DSCAM: variants seen among roughly 807,000 people sequenced by gnomAD.
DSCAM encodes the protein DS cell adhesion molecule.
Under a neutral mutation model 217.7 loss-of-function variants are expected in DSCAM, and 47 were observed. The observed-to-expected ratio is 0.22, with a 90% CI of 0.17 to 0.28. The LOEUF is 0.28. Among genes scored for constraint, DSCAM ranks in the 10% least tolerant of loss-of-function variants. DSCAM has a pLI of 1.00. For missense variants in DSCAM, 2,080 were observed against 2,618.3 expected (o/e 0.79, Z 4.49); for synonymous variants, 1,056 against 1,015.3 (o/e 1.04, Z -0.76).
At position 40,514,957 on chromosome 21, in the gene DSCAM, G is replaced by T. The variant is rs80294668; in HGVS notation, c.509-145712C>A. Among the ~76,000 whole-genome samples the T allele has an allele frequency of 6.2e-3, 950 of 152,286 alleles. 22 individuals are homozygous for T. The highest frequency in any genetic ancestry group is 0.034 in the Admixed American group (522 of 15,290). ...GAAAAGGAAAAGCTAAACTAATGCA[G>T]CCTATAGCTTGTGACGAAAGGACAT... On this transcript the variant is annotated intron_variant, in intron 3 of 32. Coordinates refer to ENST00000400454, the MANE Select transcript of DSCAM (RefSeq NM_001389.5).
At chr21:40,839,478 T>G (rs1351956844) in intron 1 of DSCAM, among the ~76,000 whole-genome samples, 1 of 152,210 alleles carries the variant, frequency 6.6e-6, no homozygotes, top group Non-Finnish European at 1.5e-5. Flanking sequence ...TCCAGTCTTT[T>G]GTTCAGACCT....
chr21:40,042,775 G>T, intron 31 of DSCAM, 102 bp from the exon 32 acceptor site: 1 of 1,126,388 alleles, frequency 8.9e-7, no homozygotes, highest in East Asian at 2.5e-5. Context: ...TCCAGATCAT[G>T]GTGGGACCTG....
At chr21:40,248,331 T>C (rs1212767378) in intron 11 of DSCAM, among the ~76,000 whole-genome samples, 1 of 152,238 alleles carries the variant, frequency 6.6e-6, no homozygotes, top group African/African-American at 2.4e-5. Context: ...TCCAAACTTT[T>C]ATGCTCTGCT....
intron 32 of DSCAM, among the ~76,000 whole-genome samples, chr21:40,028,976 CTGAATTT>C (rs1349588687): frequency 6.6e-6 from 1 of 152,146 alleles, no homozygotes; most frequent in Non-Finnish European, 1.5e-5. Flanking sequence ...TTAATGCTAC[CTGAATTT>C]TGAATTTGCC....
intron 16 of DSCAM, among the ~76,000 whole-genome samples, chr21:40,164,686 C>T (rs2090575056): frequency 6.6e-6 from 1 of 152,064 alleles, no homozygotes; most frequent in Admixed American, 6.5e-5. Context: ...CCTGTAATCC[C>T]AGCTACTTGG....
rs184496532 is a variant in DSCAM at position 40,651,155 on chromosome 21, C to T, written c.508+41655G>A. ...AGATTTGCAGCTCAGGTCATTGCCTCATGAGCTCCAAGCACACAGACCAAC... is the reference window on the plus strand; with the variant it reads ...AGATTTGCAGCTCAGGTCATTGCCTTATGAGCTCCAAGCACACAGACCAAC... On this transcript the variant is annotated intron_variant, in intron 3 of 32. Coordinates refer to ENST00000400454, the MANE Select transcript of DSCAM (RefSeq NM_001389.5). Among the ~76,000 whole-genome samples the T allele has an allele frequency of 8.4e-3, 1,284 of 152,272 alleles. 14 individuals are homozygous for T. Among genetic ancestry groups the T allele is most frequent in the African/African-American group, 0.029 (1,195 of 41,552 alleles).
At chr21:40,568,644 A>AAT (rs1337030759) in intron 3 of DSCAM, among the ~76,000 whole-genome samples, 1 of 152,248 alleles carries the variant, frequency 6.6e-6, no homozygotes, top group Non-Finnish European at 1.5e-5. Flanking sequence ...TTATAGAATT[A>AAT]ATATAGTCAC....
intron 5 of DSCAM, among the ~76,000 whole-genome samples, chr21:40,350,345 A>G (rs1404515399): frequency 6.6e-6 from 1 of 152,248 alleles, no homozygotes; most frequent in Admixed American, 6.5e-5. Context: ...ATCAGAATGA[A>G]CAGGCAACCT....
At chr21:40,597,446 G>A (rs370090358) in intron 3 of DSCAM, among the ~76,000 whole-genome samples, 33 of 128,766 alleles carry the variant, frequency 2.6e-4, no homozygotes, top group African/African-American at 9.6e-4. Flanking sequence ...CTAAATCAAA[G>A]TTTGCAAGCC....
intron 3 of DSCAM, among the ~76,000 whole-genome samples, chr21:40,452,439 G>C (rs1413716474): frequency 6.6e-6 from 1 of 151,986 alleles, no homozygotes; most frequent in Non-Finnish European, 1.5e-5. Flanking sequence ...GTGAAGTTAA[G>C]AAGTTAAAGA....
chr21:40,339,288 C>T lies in DSCAM; in HGVS notation c.1338G>A (p.Pro446=), dbSNP rs868420288. ...PTITWTLDDD[P]ILKGGSHRIS... ...TGCGGTGACTGCCACCCTTGAGAAT[C>T]GGGTCATCGTCCAGGGTCCACGTGA... is the stretch of plus-strand genomic sequence containing the variant. The change falls in exon 7 of 33, where the codon CCG becomes CCA. Residue 446 remains proline, a synonymous_variant. Coordinates refer to ENST00000400454, the MANE Select transcript of DSCAM (RefSeq NM_001389.5). 8.1e-6 allele frequency: 13 copies of T among 1,614,046 alleles called. No homozygotes were observed. Among genetic ancestry groups the T allele is most frequent in the African/African-American group, 1.3e-5 (1 of 74,908 alleles).
chr21:40,711,264 G>A (rs900664754), intron 1 of DSCAM, among the ~76,000 whole-genome samples: 2 of 152,110 alleles, frequency 1.3e-5, no homozygotes, highest in Non-Finnish European at 2.9e-5. Context: ...GGGGTTACAG[G>A]CTCCTGCTAT....
chr21:40,401,398 T>TC (rs1491388033), intron 3 of DSCAM, among the ~76,000 whole-genome samples: 1 of 20,710 alleles, frequency 4.8e-5, no homozygotes, highest in Admixed American at 4.9e-4. Flanking sequence ...TAAAATTGGA[T>TC]TTTTTTTTCT....
At chr21:40,094,947 T>C (rs2089657462) in intron 20 of DSCAM, among the ~76,000 whole-genome samples, 1 of 152,244 alleles carries the variant, frequency 6.6e-6, no homozygotes, top group Non-Finnish European at 1.5e-5. Flanking sequence ...ACCTGATGAC[T>C]GGATAAACAT....
At chr21:40,339,944 T>A (rs534898985) in intron 6 of DSCAM, among the ~76,000 whole-genome samples, 62 of 152,338 alleles carry the variant, frequency 4.1e-4, no homozygotes, top group African/African-American at 1.4e-3. Context: ...GAGAGATTGA[T>A]GACCTCATCT....
At chr21:40,367,233 C>A (rs1036965425) in intron 4 of DSCAM, among the ~76,000 whole-genome samples, 2 of 152,134 alleles carry the variant, frequency 1.3e-5, no homozygotes, top group South Asian at 2.1e-4. Context: ...GATGGGGACC[C>A]GTTGGTTATT....
intron 30 of DSCAM, among the ~76,000 whole-genome samples, chr21:40,051,446 T>G (rs1179965322): frequency 6.6e-6 from 1 of 152,216 alleles, no homozygotes; most frequent in Non-Finnish European, 1.5e-5. Context: ...GCATAAGCTT[T>G]GGGGATAGAT....
At chr21:40,348,166 T>C (rs200491216) in intron 5 of DSCAM, among the ~76,000 whole-genome samples, 2 of 67,466 alleles carry the variant, frequency 3.0e-5, no homozygotes, top group Non-Finnish European at 6.7e-5. Context: ...ATTGCAATCA[T>C]ACTCCACACA....
chr21:40,159,250 C>T (rs1019896075), intron 16 of DSCAM, among the ~76,000 whole-genome samples: 3 of 152,144 alleles, frequency 2.0e-5, no homozygotes, highest in Non-Finnish European at 4.4e-5. Context: ...TATATGTTTT[C>T]CTTTTTCATT....
Sources: allele counts gnomAD v4.1 joint callset (sites outside exome capture counted in the v4.1 genomes callset), GRCh38; gene constraint gnomAD v4.1.1; transcripts MANE v1.5; gene names NCBI Gene and HGNC (gene_info 2026-07-23, HGNC 2026-07-21).